The following DCC variants were observed in gnomAD, a reference collection of about 807,000 sequenced individuals.
DCC encodes DCC netrin 1 receptor, also known as netrin receptor DCC.
In DCC, 58 loss-of-function variants were observed where a neutral mutation model predicts 172.5. That is an observed-to-expected ratio of 0.34 (90% CI 0.27 to 0.42). The LOEUF (loss-of-function observed/expected upper bound fraction) is 0.42, where lower values mean the gene tolerates loss of function less well. Among genes scored for constraint, DCC ranks in the 10% least tolerant of loss-of-function variants. DCC has a pLI of 1.00. For missense variants in DCC, 1,740 were observed against 1,791.0 expected (o/e 0.97, Z 0.51); for synonymous variants, 709 against 644.5 (o/e 1.10, Z -1.52).
intron 8 of DCC, among the ~76,000 whole-genome samples, chr18:53,166,896 AC>A (rs1279753476): frequency 6.6e-6 from 1 of 152,130 alleles, no homozygotes; most frequent in Non-Finnish European, 1.5e-5. Context: ...AAGGAATGTG[AC>A]ATTTGGGTGG....
intron 1 of DCC, among the ~76,000 whole-genome samples, chr18:52,659,673 G>T (rs2035319569): frequency 6.6e-6 from 1 of 152,162 alleles, no homozygotes; most frequent in Non-Finnish European, 1.5e-5. Flanking sequence ...TTTCACTTAT[G>T]CTTTTACTAC....
chr18:52,649,711 T>C (rs2035090718), intron 1 of DCC, among the ~76,000 whole-genome samples: 1 of 152,158 alleles, frequency 6.6e-6, no homozygotes. Flanking sequence ...TCCAATTCTA[T>C]CCATGTTGCC....
chr18:53,529,038 T>TCACACACACACA (rs140593675), intron 28 of DCC, among the ~76,000 whole-genome samples: 5 of 65,262 alleles, frequency 7.7e-5, no homozygotes, highest in African/African-American at 1.2e-4. Context: ...TCTCTCTCTC[T>TCACACACACACA]CACACACACA....
chr18:52,817,720 C>T (rs2038327307), intron 2 of DCC, among the ~76,000 whole-genome samples: 2 of 152,048 alleles, frequency 1.3e-5, no homozygotes, highest in African/African-American at 4.8e-5. Context: ...TATTTCTTAA[C>T]ACTGCATTTT....
rs537114327 is a variant in DCC at position 52,975,718 on chromosome 18, G to A, written c.985+50348G>A. ...TTCATTTATGGCTGCATAGTATTCC[G>A]TGGTATATATGTACCACATGTTCTT... On this transcript the variant is annotated intron_variant, in intron 5 of 28. Transcript: ENST00000442544. Among the ~76,000 whole-genome samples the A allele has an allele frequency of 6.6e-5, 10 of 152,232 alleles. No homozygotes were observed. The South Asian group carries it at 1.0e-3, about 16-fold the overall frequency.
At chr18:53,508,320 G>C (rs560296030) in intron 27 of DCC, among the ~76,000 whole-genome samples, 3 of 152,018 alleles carry the variant, frequency 2.0e-5, no homozygotes, top group African/African-American at 7.2e-5. Context: ...AGCTTCCCGA[G>C]TAACTGGGAC....
chr18:52,403,878 T>C (rs1007150476), intron 1 of DCC, among the ~76,000 whole-genome samples: 6 of 152,046 alleles, frequency 3.9e-5, no homozygotes, highest in African/African-American at 1.4e-4. Context: ...AGTGTATTGT[T>C]CACTGAGAGA....
At chr18:53,022,539 A>ATG (rs147745217) in intron 5 of DCC, among the ~76,000 whole-genome samples, 6,452 of 117,646 alleles carry the variant, frequency 0.055, 367 homozygotes, top group African/African-American at 0.15. Flanking sequence ...TTATATATAT[A>ATG]TGTGCGTGTG....
At chr18:52,846,955 A>G (rs1598862237) in intron 2 of DCC, among the ~76,000 whole-genome samples, 1 of 152,146 alleles carries the variant, frequency 6.6e-6, no homozygotes, top group Non-Finnish European at 1.5e-5. Context: ...CTCACTGTGC[A>G]GTAAGAAGTC....
intron 1 of DCC, among the ~76,000 whole-genome samples, chr18:52,700,179 T>C (rs1417940635): frequency 1.8e-4 from 26 of 140,740 alleles, no homozygotes; most frequent in African/African-American, 5.3e-4. Flanking sequence ...CACACACACA[T>C]GCACACGCAC....
chr18:53,146,827 A>G (rs1212389866), intron 7 of DCC, among the ~76,000 whole-genome samples: 4 of 152,214 alleles, frequency 2.6e-5, no homozygotes, highest in African/African-American at 9.6e-5. Context: ...TCTGTATCCT[A>G]TGTTTTAGTA....
Position 52,357,948 on chromosome 18 carries a change from A to AT in DCC, c.91+17070_91+17071insT, listed in dbSNP as rs1420364259. ...GCGAGACTCTGTGTAAAAAAAAAAA[A>AT]AAAAAAAATCTGACAAACACTACCT... On this transcript the variant is annotated intron_variant, in intron 1 of 28. Coordinates refer to ENST00000442544, the MANE Select transcript of DCC (RefSeq NM_005215.4). 7.1e-3 allele frequency among the ~76,000 whole-genome samples: 1,027 copies of AT among 145,556 alleles called. 9 individuals carry two copies. Among genetic ancestry groups the AT allele is most frequent in the African/African-American group, 0.025 (976 of 38,794 alleles).
chr18:53,409,465 G>T (rs1323599825), intron 19 of DCC, among the ~76,000 whole-genome samples: 6 of 152,180 alleles, frequency 3.9e-5, no homozygotes, highest in African/African-American at 1.4e-4. Flanking sequence ...TTGAAGAATT[G>T]TGGCAGAAAT....
At chr18:52,553,627 G>A (rs904292733) in intron 1 of DCC, among the ~76,000 whole-genome samples, 5 of 151,934 alleles carry the variant, frequency 3.3e-5, no homozygotes, top group African/African-American at 1.2e-4. Context: ...CCCAGTGTGA[G>A]TGCACACTCT....
At chr18:52,678,389 T>C (rs1165451060) in intron 1 of DCC, among the ~76,000 whole-genome samples, 1 of 152,294 alleles carries the variant, frequency 6.6e-6, no homozygotes, top group African/African-American at 2.4e-5. Flanking sequence ...TCCCTTCTAT[T>C]GTTTATATGC....
intron 2 of DCC, among the ~76,000 whole-genome samples, chr18:52,855,754 G>A (rs934518677): frequency 5.5e-5 from 8 of 144,964 alleles, no homozygotes; most frequent in Admixed American, 1.4e-4. Context: ...AAACATTAGC[G>A]TATAAATTCT....
At position 53,397,514 on chromosome 18, in the gene DCC, C is replaced by T. The variant is rs146856255; in HGVS notation, c.2827+68C>T. 1.2e-4 allele frequency: 189 copies of T among 1,542,938 alleles called. 4 individuals carry two copies. The East Asian group carries it at 2.3e-3, about 19-fold the overall frequency. On this transcript the variant is annotated intron_variant, in intron 18 of 28. Coordinates refer to ENST00000442544, the MANE Select transcript of DCC (RefSeq NM_005215.4). ...TTCCCAGGTTCTGTGGAAATTAGAA[C>T]ATGTGTTCCCTATGGTGTCTCAATT...
intron 2 of DCC, among the ~76,000 whole-genome samples, chr18:52,827,296 G>C (rs931128551): frequency 9.2e-5 from 14 of 152,206 alleles, no homozygotes; most frequent in African/African-American, 2.7e-4. Context: ...TTCCTAGTTA[G>C]AGAGCCTTTA....
chr18:52,763,069 T>C (rs954056187), intron 2 of DCC, among the ~76,000 whole-genome samples: 1 of 152,174 alleles, frequency 6.6e-6, no homozygotes, highest in Non-Finnish European at 1.5e-5. Flanking sequence ...ACCATGGTCA[T>C]AAAATCTGCT....
Sources: allele counts gnomAD v4.1 joint callset (sites outside exome capture counted in the v4.1 genomes callset), GRCh38; gene constraint gnomAD v4.1.1; transcripts MANE v1.5; gene names NCBI Gene and HGNC (gene_info 2026-07-23, HGNC 2026-07-21).